Variants in STXBP5 observed in about 807,000 individuals in gnomAD.
The protein encoded by STXBP5 is syntaxin binding protein 5, also known as syntaxin-binding protein 5.
STXBP5 carries 50 observed loss-of-function variants against 152.4 expected under a neutral mutation model. The ratio of observed to expected loss-of-function variants is 0.33; its 90% CI spans 0.26 to 0.42. The LOEUF (loss-of-function observed/expected upper bound fraction) is 0.42. Among genes scored for constraint, STXBP5 ranks in the 10% least tolerant of loss-of-function variants. STXBP5 has a pLI of 1.00. For synonymous variants in STXBP5, 492 were observed against 494.7 expected (o/e 0.99, Z 0.07); for missense variants, 1,167 against 1,388.6 (o/e 0.84, Z 2.54).
rs1485338041 is a variant in STXBP5 at position 147,389,960 on chromosome 6, A to G, written c.*5205A>G. The G allele has an allele frequency of 2.6e-5, 4 of 151,976 alleles. No individual in the cohort carries two copies. Among genetic ancestry groups the G allele is most frequent in the African/African-American group, 4.8e-5 (2 of 41,418 alleles). 9.4% of individuals were successfully genotyped at this position (151,976 alleles called of 1,614,324 possible). A position where few individuals can be genotyped will look rare whatever the true frequency, so the allele number is the denominator to read the frequency against. ...ATTGGTTCATTGTAAATGCATTACCAAAAGACAATATGAAAAAGAGCAAGA... is the reference window on the plus strand; with the variant it reads ...ATTGGTTCATTGTAAATGCATTACCGAAAGACAATATGAAAAAGAGCAAGA... On this transcript the variant is annotated 3_prime_UTR_variant, in exon 28 of 28. Coordinates refer to ENST00000321680, the MANE Select transcript of STXBP5 (RefSeq NM_001127715.4).
chr6:147,227,396 A>C (rs1183094220), intron 2 of STXBP5, among the ~76,000 whole-genome samples: 1 of 152,122 alleles, frequency 6.6e-6, no homozygotes, highest in African/African-American at 2.4e-5. Flanking sequence ...AGAAGGATCC[A>C]TTTAACTGTT....
intron 9 of STXBP5, among the ~76,000 whole-genome samples, chr6:147,301,870 T>C (rs1781836771): frequency 6.6e-6 from 1 of 152,204 alleles, no homozygotes; most frequent in Non-Finnish European, 1.5e-5. Context: ...TGCTTTGTGT[T>C]CTCGTGACTT....
At chr6:147,223,736 T>C (rs1777575276) in intron 2 of STXBP5, among the ~76,000 whole-genome samples, 1 of 152,180 alleles carries the variant, frequency 6.6e-6, no homozygotes, top group Non-Finnish European at 1.5e-5. Context: ...ACATCTGTAA[T>C]TTTTTGTTTT....
At chr6:147,220,649 G>A (rs1324890013) in intron 2 of STXBP5, among the ~76,000 whole-genome samples, 1 of 151,908 alleles carries the variant, frequency 6.6e-6, no homozygotes, top group Non-Finnish European at 1.5e-5. Context: ...GACTTTCCTT[G>A]GTCTGAAGTC....
rs890054982 is a variant in STXBP5, at chr6:147,343,060, T to A, written c.2254+3676T>A. Among the ~76,000 whole-genome samples the A allele has an allele frequency of 2.6e-5, 4 of 152,076 alleles. 1 individual carries two copies. The South Asian group carries it at 8.3e-4, about 31-fold the overall frequency. On this transcript the variant is annotated intron_variant, in intron 21 of 27. Coordinates refer to ENST00000321680, the MANE Select transcript of STXBP5 (RefSeq NM_001127715.4). Reference sequence around the variant, plus strand: ...AAATAATACCAAGGATAAAAAATAATGACTCGAAATTATGGTTACTTAAAT... The same window carrying A: ...AAATAATACCAAGGATAAAAAATAAAGACTCGAAATTATGGTTACTTAAAT...
At chr6:147,368,993 C>T (rs1306686390) in intron 25 of STXBP5, among the ~76,000 whole-genome samples, 1 of 151,018 alleles carries the variant, frequency 6.6e-6, no homozygotes, top group Non-Finnish European at 1.5e-5. Flanking sequence ...CAAATTTATC[C>T]TAAAATTCAT....
intron 3 of STXBP5, 104 bp from the exon 4 acceptor site, chr6:147,239,066 G>A: frequency 3.0e-6 from 3 of 999,862 alleles, no homozygotes; most frequent in Non-Finnish European, 4.3e-6. Flanking sequence ...TCTGTTGGCA[G>A]AAAGTTTTGA....
intron 27 of STXBP5, 26 bp downstream of exon 27, chr6:147,383,024 A>G: frequency 6.2e-7 from 1 of 1,609,922 alleles, no homozygotes; most frequent in Non-Finnish European, 8.5e-7. Context: ...AGATATTTGA[A>G]CAAAAAGCTC....
chr6:147,264,474 T>TA (rs1415084844), intron 6 of STXBP5, among the ~76,000 whole-genome samples: 2 of 152,148 alleles, frequency 1.3e-5, no homozygotes, highest in Non-Finnish European at 2.9e-5. Context: ...GTTCCATAGA[T>TA]ACAGAGCTAG....
rs541447527 is a variant in STXBP5 at position 147,251,803 on chromosome 6, C to CTCGCAGCAGGGG, written c.432-8808_432-8797dup. Among the ~76,000 whole-genome samples the CTCGCAGCAGGGG allele has an allele frequency of 7.9e-3, 1,198 of 152,298 alleles. 5 individuals are homozygous for CTCGCAGCAGGGG. The highest frequency in any genetic ancestry group is 0.013 in the Admixed American group (199 of 15,294). ...CCCATGTATCCTTACTGGGAGACAC[C>CTCGCAGCAGGGG]TCGCAGCAGGGGTCGACAGACACCT... On this transcript the variant is annotated intron_variant, in intron 4 of 27. Coordinates refer to ENST00000321680, the MANE Select transcript of STXBP5 (RefSeq NM_001127715.4).
chr6:147,213,434 A>ATGTGTGTGTGTGTGTGTGTGTGTGTGTG (rs1159372834), intron 2 of STXBP5, among the ~76,000 whole-genome samples: 2 of 85,536 alleles, frequency 2.3e-5, no homozygotes, highest in African/African-American at 8.6e-5. Context: ...AATTTTATAT[A>ATGTGTGTGTGTGTGTGTGTGTGTGTGTG]TGTGTGTGTG....
At chr6:147,211,302 C>CT (rs1776838651) in intron 2 of STXBP5, among the ~76,000 whole-genome samples, 1 of 141,520 alleles carries the variant, frequency 7.1e-6, no homozygotes, top group Non-Finnish European at 1.5e-5. Context: ...GAGCAAGACT[C>CT]TGTCTCAAAA....
At chr6:147,376,372 GA>G (rs1785810280) in intron 26 of STXBP5, among the ~76,000 whole-genome samples, 1 of 151,990 alleles carries the variant, frequency 6.6e-6, no homozygotes, top group Admixed American at 6.6e-5. Flanking sequence ...CAGTCATTCC[GA>G]AACAAAGCAA....
intron 3 of STXBP5, 140 bp downstream of exon 3, chr6:147,235,471 T>C (rs1026027873): frequency 1.5e-6 from 1 of 671,466 alleles, no homozygotes; most frequent in Non-Finnish European, 2.5e-6. Flanking sequence ...ATAGTAGTAA[T>C]TCGTTTTAAG....
At chr6:147,310,350 G>C in intron 10 of STXBP5, 112 bp downstream of exon 10, 1 of 794,998 alleles carries the variant, frequency 1.3e-6, no homozygotes, top group Non-Finnish European at 1.7e-6. Context: ...TAATTCTTCT[G>C]GAGAAGAGCT....
intron 9 of STXBP5, among the ~76,000 whole-genome samples, chr6:147,303,113 AAAT>A (rs1781910593): frequency 6.6e-6 from 1 of 152,270 alleles, no homozygotes; most frequent in East Asian, 1.9e-4. Flanking sequence ...CCAATTTCAT[AAAT>A]AATCTGATCA....
At position 147,324,765 on chromosome 6, in the gene STXBP5, T is replaced by C. The variant is rs576218454; in HGVS notation, c.1803-194T>C. On this transcript the variant is annotated intron_variant, in intron 16 of 27. Coordinates refer to ENST00000321680, the MANE Select transcript of STXBP5 (RefSeq NM_001127715.4). ...CTGCTGTCCTCCCCCACTTTATATG[T>C]AGAGTTTGCATATGAGTTATTTTTG... Among the ~76,000 whole-genome samples, 74 of 151,950 alleles carry C rather than the reference T, an allele frequency of 4.9e-4. 1 individual carries two copies. The highest frequency in any genetic ancestry group is 3.4e-3 in the Middle Eastern group (1 of 294).
intron 9 of STXBP5, among the ~76,000 whole-genome samples, chr6:147,301,795 T>C (rs906562566): frequency 6.6e-6 from 1 of 152,200 alleles, no homozygotes; most frequent in Non-Finnish European, 1.5e-5. Context: ...TGGATAATTC[T>C]ACCTGTAGTA....
chr6:147,267,424 T>G (rs1042929030), intron 7 of STXBP5, among the ~76,000 whole-genome samples: 5 of 152,170 alleles, frequency 3.3e-5, no homozygotes, highest in Non-Finnish European at 7.4e-5. Flanking sequence ...AGAGACACTG[T>G]GCATTTACAA....
Sources: allele counts gnomAD v4.1 joint callset (sites outside exome capture counted in the v4.1 genomes callset), GRCh38; gene constraint gnomAD v4.1.1; transcripts MANE v1.5; gene names NCBI Gene and HGNC (gene_info 2026-07-23, HGNC 2026-07-21).